BLOC1S3: variants seen among roughly 807,000 people sequenced by gnomAD.
The protein encoded by BLOC1S3 is biogenesis of lysosome-related organelles complex 1 subunit 3.
Under a neutral mutation model 9.1 loss-of-function variants are expected in BLOC1S3, and 7 were observed. The observed-to-expected ratio is 0.77, with a 90% CI of 0.44 to 1.45. The LOEUF (loss-of-function observed/expected upper bound fraction) is 1.45. Among genes scored for constraint, BLOC1S3 ranks in the 40% most tolerant of loss-of-function variants. BLOC1S3 has a pLI of 0.01. For missense variants in BLOC1S3, 307 were observed against 315.2 expected (o/e 0.97, Z 0.20); for synonymous variants, 145 against 158.4 (o/e 0.92, Z 0.64).
intron 3 of BLOC1S3, among the ~76,000 whole-genome samples, chr19:45,203,103 C>T (rs1443203915): frequency 6.6e-6 from 1 of 151,834 alleles, no homozygotes; most frequent in Non-Finnish European, 1.5e-5. Flanking sequence ...GCAAGCTATA[C>T]TGCCTGGGGT....
At chr19:45,191,130 T>A (rs759393287) in intron 2 of BLOC1S3, among the ~76,000 whole-genome samples, 2 of 148,746 alleles carry the variant, frequency 1.3e-5, no homozygotes, top group Non-Finnish European at 3.0e-5. Flanking sequence ...TTTATTTTTT[T>A]ATTTTTTTTG....
chr19:45,213,909 G>A (rs1599759042), intron 3 of BLOC1S3, among the ~76,000 whole-genome samples: 4 of 151,842 alleles, frequency 2.6e-5, no homozygotes, highest in South Asian at 4.2e-4. Flanking sequence ...AGCTGAGATC[G>A]CGCCACTGCA....
Position 45,180,197 on chromosome 19 carries a change from G to T in BLOC1S3, c.*292G>T. 3 of 309,864 alleles carry T rather than the reference G, an allele frequency of 9.7e-6. No homozygotes were observed. Among genetic ancestry groups the T allele is most frequent in the Non-Finnish European group, 1.2e-5 (2 of 163,456 alleles). The allele number at this position is 309,864 out of a possible 1,614,324, so 19.2% of individuals were successfully genotyped here. ...GCTTGGCTCCAGCCTTTGTTACATA[G>T]TTGCTCCTTAATCTGTTTCCACCCT... On this transcript the variant is annotated 3_prime_UTR_variant, in exon 2 of 2. Transcript: ENST00000433642.
intron 3 of BLOC1S3, among the ~76,000 whole-genome samples, chr19:45,206,463 T>TTTTGTTTTTTTTTTTTG (rs1969728187): frequency 8.5e-6 from 1 of 117,114 alleles, no homozygotes; most frequent in South Asian, 2.7e-4. Context: ...TTTTTTTTTT[T>TTTTGTTTTTTTTTTTTG]TTTTTTTTTT....
At chr19:45,185,495 C>T (rs1486956548), downstream of BLOC1S3, among the ~76,000 whole-genome samples, 1 of 152,070 alleles carries the variant, frequency 6.6e-6, no homozygotes, top group African/African-American at 2.4e-5. Flanking sequence ...GTCAGACATG[C>T]ACCAAAATGC....
At chr19:45,191,644 G>A (rs901531602) in intron 2 of BLOC1S3, among the ~76,000 whole-genome samples, 2 of 152,240 alleles carry the variant, frequency 1.3e-5, no homozygotes, top group Non-Finnish European at 2.9e-5. Context: ...GCATCAGGGG[G>A]CACCCCAAGC....
rs137930055 is a variant in BLOC1S3, at chr19:45,193,379, A to G, written n.180+5639A>G. ...TTGCTATCTCTTTATTGATTTTCTCATGTTGTTTGTATATTGGTTGTATAT... is the reference window on the plus strand; with the variant it reads ...TTGCTATCTCTTTATTGATTTTCTCGTGTTGTTTGTATATTGGTTGTATAT... On this transcript the variant is annotated intron_variant and non_coding_transcript_variant, in intron 2 of 3. Transcript: ENST00000591569. Among the ~76,000 whole-genome samples the G allele has an allele frequency of 3.9e-3, 588 of 151,824 alleles. 3 individuals carry two copies. Among genetic ancestry groups the G allele is most frequent in the Admixed American group, 5.2e-3 (79 of 15,216 alleles).
chr19:45,208,852 A>G (rs79661634), intron 3 of BLOC1S3, among the ~76,000 whole-genome samples: 1,957 of 152,092 alleles, frequency 0.013, 45 homozygotes, highest in African/African-American at 0.042. Context: ...ATAAAACTCA[A>G]TGAAAAAAAA....
chr19:45,202,695 T>A (rs1969700316), intron 3 of BLOC1S3, among the ~76,000 whole-genome samples: 1 of 151,998 alleles, frequency 6.6e-6, no homozygotes, highest in Non-Finnish European at 1.5e-5. Flanking sequence ...TACTCTTTCC[T>A]CTCCTTTCCT....
At chr19:45,190,049 C>T (rs1969593509) in intron 2 of BLOC1S3, among the ~76,000 whole-genome samples, 1 of 151,510 alleles carries the variant, frequency 6.6e-6, no homozygotes, top group Non-Finnish European at 1.5e-5. Flanking sequence ...AGGGGTCTTG[C>T]TATGTAACCT....
At chr19:45,203,398 T>G (rs1045163475) in intron 3 of BLOC1S3, among the ~76,000 whole-genome samples, 1 of 152,010 alleles carries the variant, frequency 6.6e-6, no homozygotes, top group Non-Finnish European at 1.5e-5. Context: ...CTCAGCCTCC[T>G]AAGTAGCTGG....
chr19:45,211,249 C>A (rs1395383498), intron 3 of BLOC1S3, among the ~76,000 whole-genome samples: 1 of 152,168 alleles, frequency 6.6e-6, no homozygotes, highest in Admixed American at 6.5e-5. Context: ...GTCATCCCAG[C>A]ACTTTGGGAG....
At position 45,179,111 on chromosome 19, in the gene BLOC1S3, G is replaced by A. The variant is rs1969464226; in HGVS notation, c.-9-177G>A. ...CCCATCTGTACGCTGAAGAGCCTGG[G>A]GTCCAGTAACCCCCATCATCACCCA... is the stretch of plus-strand genomic sequence containing the variant. On this transcript the variant is annotated intron_variant, in intron 1 of 1. Transcript: ENST00000433642. This position sits in a 1 kb window ranked among gnomAD's most constrained non-coding sequence, Gnocchi z 4.6. 4 of 611,556 alleles carry A rather than the reference G, an allele frequency of 6.5e-6. No individual in the cohort carries two copies. Among genetic ancestry groups the A allele is most frequent in the Non-Finnish European group, 1.0e-5 (4 of 391,306 alleles). 37.9% of individuals were successfully genotyped at this position (611,556 alleles called of 1,614,324 possible).
chr19:45,211,352 C>CCAGGCG (rs1969768800), intron 3 of BLOC1S3, among the ~76,000 whole-genome samples: 1 of 151,580 alleles, frequency 6.6e-6, no homozygotes. Context: ...CAAAAATTAG[C>CCAGGCG]TGGGTATGGT....
chr19:45,188,252 A>C (rs535140367), intron 2 of BLOC1S3, among the ~76,000 whole-genome samples: 1 of 152,226 alleles, frequency 6.6e-6, no homozygotes, highest in South Asian at 2.1e-4. Context: ...CGAACTCCCA[A>C]CCTCAGGTGA....
chr19:45,180,607 T>A lies in BLOC1S3; in HGVS notation c.*702T>A, dbSNP rs1180174804. On this transcript the variant is annotated 3_prime_UTR_variant, in exon 2 of 2. Transcript: ENST00000433642. Reference sequence around the variant, plus strand: ...GTTTCTGCTTATGGTGGGGAGCTTGTTCCCGTTCTTCCCACAAGAACCCAG... The same window carrying A: ...GTTTCTGCTTATGGTGGGGAGCTTGATCCCGTTCTTCCCACAAGAACCCAG... 6.0e-6 allele frequency: 1 copy of A among 167,146 alleles called. No homozygotes were observed. The highest frequency in any genetic ancestry group is 2.4e-5 in the African/African-American group (1 of 41,434). The allele number at this position is 167,146 out of a possible 1,614,324, so 10.4% of individuals were successfully genotyped here.
intron 3 of BLOC1S3, among the ~76,000 whole-genome samples, chr19:45,205,584 G>C (rs1038588660): frequency 1.3e-5 from 2 of 152,136 alleles, no homozygotes; most frequent in African/African-American, 4.8e-5. Flanking sequence ...TGTGACCCTA[G>C]ATGATGCAAA....
intron 2 of BLOC1S3, among the ~76,000 whole-genome samples, chr19:45,201,474 G>T (rs1264586508): frequency 6.6e-6 from 1 of 152,120 alleles, no homozygotes; most frequent in African/African-American, 2.4e-5. Flanking sequence ...ACCACTACCT[G>T]GCTTCCACCA....
chr19:45,196,806 C>A (rs1054582719), intron 2 of BLOC1S3, among the ~76,000 whole-genome samples: 8 of 151,258 alleles, frequency 5.3e-5, no homozygotes, highest in African/African-American at 1.9e-4. Context: ...GAGGCTGAGG[C>A]AGGAGAATGG....
Sources: gnomAD v4.1 joint callset for allele counts (sites outside exome capture counted in the v4.1 genomes callset) on GRCh38, gnomAD v4.1.1 for gene constraint, Gnocchi (gnomAD v3.1) non-coding constraint, MANE v1.5 for transcripts, NCBI Gene and HGNC (gene_info 2026-07-23, HGNC 2026-07-21) for gene names.